TMIGD1: variants seen among roughly 807,000 people sequenced by gnomAD.
The protein encoded by TMIGD1 is transmembrane and immunoglobulin domain-containing protein 1.
A neutral mutation model predicts 27.5 loss-of-function variants in TMIGD1; 29 were observed. That is an observed-to-expected ratio of 1.05 (90% CI 0.78 to 1.44). The LOEUF is 1.44. Ranked by LOEUF, TMIGD1 falls within the 40% of genes most tolerant of loss-of-function variation. The probability of loss-of-function intolerance (pLI) is 0.00; values close to 1 mark genes in which losing one functional copy is unlikely to be tolerated. For synonymous variants in TMIGD1, 109 were observed against 110.3 expected (o/e 0.99, Z 0.07); for missense variants, 334 against 310.6 (o/e 1.08, Z -0.57).
At chr17:30,319,249 GA>G (rs1201681602) in intron 4 of TMIGD1, among the ~76,000 whole-genome samples, 3,676 of 70,968 alleles carry the variant, frequency 0.052, 451 homozygotes, top group Middle Eastern at 0.068. Flanking sequence ...AAAAAAAAAA[GA>G]AAAAAAAAAA....
intron 6 of TMIGD1, 108 bp downstream of exon 6, chr17:30,317,085 C>A (rs754725579): frequency 8.6e-6 from 11 of 1,284,834 alleles, no homozygotes; most frequent in Non-Finnish European, 1.1e-5. Context: ...CCTTTGAACC[C>A]CTTCCCCTTC....
At chr17:30,328,021 A>C (rs575891731) in intron 3 of TMIGD1, among the ~76,000 whole-genome samples, 1 of 150,464 alleles carries the variant, frequency 6.6e-6, no homozygotes. Context: ...ATGTTTAAAG[A>C]TTCCCTAATG....
rs368320111 is a variant in TMIGD1 at position 30,317,194 on chromosome 17, G to T, written c.784C>A (p.Leu262Ile). ...KDKDPHSETAL is the reference protein window; with the variant it reads ...KDKDPHSETAI Reference sequence around the variant, plus strand: ...CTGGTCCCGGCCTAGAGTACTTACAGAGCTGTTTCACTGTGAGGGTCTTTA... The same window carrying T: ...CTGGTCCCGGCCTAGAGTACTTACATAGCTGTTTCACTGTGAGGGTCTTTA... Residue 262 changes from leucine to isoleucine, a missense_variant and splice_region_variant, in exon 6 of 7, where the codon CTA (leucine) becomes ATA (isoleucine). Coordinates refer to ENST00000328886, the MANE Select transcript of TMIGD1 (RefSeq NM_206832.3). 6.2e-7 allele frequency: 1 copy of T among 1,613,920 alleles called. No homozygotes were observed. The highest frequency in any genetic ancestry group is 8.5e-7 in the Non-Finnish European group (1 of 1,179,958).
At chr17:30,326,204 A>T (rs538245406) in intron 3 of TMIGD1, among the ~76,000 whole-genome samples, 6 of 152,234 alleles carry the variant, frequency 3.9e-5, no homozygotes, top group Non-Finnish European at 7.3e-5. Flanking sequence ...AATAGAGAAC[A>T]TAATTGCCAA....
intron 3 of TMIGD1, among the ~76,000 whole-genome samples, chr17:30,327,720 C>G (rs921606809): frequency 1.3e-5 from 2 of 148,860 alleles, no homozygotes; most frequent in Admixed American, 6.9e-5. Context: ...CCACCATGCC[C>G]AGCTAATTAA....
chr17:30,330,311 A>G (rs1909933865), intron 2 of TMIGD1, among the ~76,000 whole-genome samples: 3 of 152,146 alleles, frequency 2.0e-5, no homozygotes, highest in African/African-American at 4.8e-5. Context: ...AAAAACCCAT[A>G]TATATTGAAT....
intron 4 of TMIGD1, among the ~76,000 whole-genome samples, chr17:30,324,393 T>G (rs1336542278): frequency 1.3e-5 from 2 of 152,204 alleles, no homozygotes; most frequent in Non-Finnish European, 2.9e-5. Context: ...GGTTAGAATT[T>G]GAGTTAGGAG....
intron 4 of TMIGD1, among the ~76,000 whole-genome samples, chr17:30,323,418 T>A (rs3103305): frequency 0.59 from 89,787 of 152,052 alleles, 29,506 homozygotes; most frequent in African/African-American, 0.89. Flanking sequence ...TGAAGCCAGG[T>A]GAGGGCTCAT....
chr17:30,319,261 A>AAAAAAAAAAAAAAAGATATATATAT, intron 4 of TMIGD1, among the ~76,000 whole-genome samples: 1 of 69,068 alleles, frequency 1.4e-5, no homozygotes, highest in Non-Finnish European at 2.6e-5. Context: ...AAAAAAAAAA[A>AAAAAAAAAAAAAAAGATATATATAT]ATATATATAT....
intron 4 of TMIGD1, among the ~76,000 whole-genome samples, chr17:30,320,757 T>G (rs1219638052): frequency 6.6e-6 from 1 of 152,200 alleles, no homozygotes; most frequent in African/African-American, 2.4e-5. Context: ...CTTGGGAGGC[T>G]GGGGCAGGAG....
intron 5 of TMIGD1, 23 bp from the exon 6 acceptor site, chr17:30,317,256 A>G: frequency 6.2e-7 from 1 of 1,613,940 alleles, no homozygotes; most frequent in Non-Finnish European, 8.5e-7. Flanking sequence ...ATGGCAGTAA[A>G]TTAGCCTGCT....
chr17:30,318,769 A>T (rs375853601), intron 5 of TMIGD1, 41 bp downstream of exon 5: 6 of 1,469,942 alleles, frequency 4.1e-6, no homozygotes, highest in Non-Finnish European at 5.7e-6. Context: ...CTTTATTCAG[A>T]TGATGGCTTT....
rs914207908 is a variant in TMIGD1, at chr17:30,332,050, A to T, written c.82+2T>A. On this transcript the variant is annotated splice_donor_variant, in intron 2 of 6. Transcript: ENST00000328886. LOFTEE classifies it high-confidence loss of function. The stretch of plus-strand genomic sequence containing the variant: ...AAGAGGCCAAAAAGAACTTTAACTT[A>T]CTTGTCATCTCACGTGGCAGAAATA... The T allele has an allele frequency of 3.6e-5, 57 of 1,604,220 alleles. No homozygotes were observed. Among genetic ancestry groups the T allele is most frequent in the Non-Finnish European group, 4.7e-5 (55 of 1,174,184 alleles).
intron 4 of TMIGD1, among the ~76,000 whole-genome samples, chr17:30,319,223 G>A (rs764355499): frequency 1.9e-5 from 2 of 104,360 alleles, no homozygotes; most frequent in Non-Finnish European, 3.9e-5. Flanking sequence ...GGCCCACATG[G>A]TGAAACCCCA....
intron 4 of TMIGD1, among the ~76,000 whole-genome samples, chr17:30,319,259 AAAAT>A (rs1460762433): frequency 1.3e-4 from 7 of 52,276 alleles, no homozygotes; most frequent in African/African-American, 1.3e-3. Context: ...GAAAAAAAAA[AAAAT>A]ATATATATAT....
intron 3 of TMIGD1, among the ~76,000 whole-genome samples, chr17:30,327,180 T>A (rs1216469576): frequency 6.6e-6 from 1 of 152,232 alleles, no homozygotes; most frequent in East Asian, 1.9e-4. Context: ...CAAATCACAT[T>A]GTTGGCATTT....
At chr17:30,331,583 ATTT>A (rs71360742) in intron 2 of TMIGD1, among the ~76,000 whole-genome samples, 9 of 133,166 alleles carry the variant, frequency 6.8e-5, no homozygotes, top group African/African-American at 8.3e-5. Flanking sequence ...TTTCCATTTG[ATTT>A]TTTTTTTTTT....
chr17:30,316,690 T>A lies in TMIGD1; in HGVS notation c.786A>T (p.Leu262=). The change falls in exon 7 of 7, where the codon CTA becomes CTT. Residue 262 remains leucine, a splice_region_variant and synonymous_variant. Coordinates refer to ENST00000328886, the MANE Select transcript of TMIGD1 (RefSeq NM_206832.3). The part of the protein sequence containing the change: ...KDKDPHSETA[L] The stretch of plus-strand genomic sequence containing the variant: ...ATTCGATGGCATCTCAGCTTTCTCA[T>A]CTGAAATGAATGAAGAAATTAATAA... The A allele has an allele frequency of 6.2e-7, 1 of 1,613,230 alleles. No homozygotes were observed. Among genetic ancestry groups the A allele is most frequent in the South Asian group, 1.1e-5 (1 of 90,858 alleles).
intron 6 of TMIGD1, 95 bp downstream of exon 6, chr17:30,317,098 G>A (rs940014060): frequency 1.7e-5 from 23 of 1,385,506 alleles, no homozygotes; most frequent in Middle Eastern, 1.8e-4. Context: ...TCCCCTTCCA[G>A]CACCTCCCAT....
Sources: allele counts gnomAD v4.1 joint callset (sites outside exome capture counted in the v4.1 genomes callset), GRCh38; gene constraint gnomAD v4.1.1; transcripts MANE v1.5; gene names NCBI Gene and HGNC (gene_info 2026-07-23, HGNC 2026-07-21).